Variants in ZFHX3 observed in about 807,000 individuals in gnomAD.
ZFHX3 encodes zinc finger homeobox protein 3.
A neutral mutation model predicts 279.1 loss-of-function variants in ZFHX3; 42 were observed. The observed-to-expected ratio is 0.15, with a 90% confidence interval of 0.12 to 0.19. The LOEUF (loss-of-function observed/expected upper bound fraction) is 0.19. ZFHX3 is among the 10% of genes least tolerant of loss of function. ZFHX3 has a pLI of 1.00. For synonymous variants in ZFHX3, 2,293 were observed against 1,957.8 expected (o/e 1.17, Z -4.52); for missense variants, 4,981 against 4,754.0 (o/e 1.05, Z -1.40).
At chr16:73,760,481 C>T (rs1019812001) in intron 1 of ZFHX3, among the ~76,000 whole-genome samples, 4 of 151,834 alleles carry the variant, frequency 2.6e-5, no homozygotes, top group African/African-American at 9.7e-5. Context: ...CAGCATCATC[C>T]TGATACCAAA....
chr16:72,954,983 GA>G (rs1193706440), intron 2 of ZFHX3, among the ~76,000 whole-genome samples: 1 of 151,974 alleles, frequency 6.6e-6, no homozygotes, highest in East Asian at 1.9e-4. Flanking sequence ...GGACCATGGG[GA>G]AAAAAAACCA....
chr16:73,864,883 GACA>G (rs1243670816), intron 1 of ZFHX3, among the ~76,000 whole-genome samples: 18 of 152,350 alleles, frequency 1.2e-4, no homozygotes, highest in African/African-American at 3.8e-4. Flanking sequence ...AGTAAGAGGA[GACA>G]ACAATTCCCT....
chr16:73,199,401 C>T (rs1424416076), intron 5 of ZFHX3, among the ~76,000 whole-genome samples: 3 of 152,224 alleles, frequency 2.0e-5, no homozygotes, highest in African/African-American at 7.2e-5. Context: ...GAAAGTGACT[C>T]TGCTGCCATC....
intron 1 of ZFHX3, among the ~76,000 whole-genome samples, chr16:73,706,264 C>A (rs2142221489): frequency 6.6e-6 from 1 of 152,104 alleles, no homozygotes; most frequent in East Asian, 1.9e-4. Context: ...AGTTTGAGAC[C>A]AACCTGGCCA....
At chr16:73,617,889 C>T (rs2143896883) in intron 2 of ZFHX3, among the ~76,000 whole-genome samples, 2 of 152,300 alleles carry the variant, frequency 1.3e-5, no homozygotes, top group Non-Finnish European at 2.9e-5. Flanking sequence ...TGCAGTCCCC[C>T]TTGAGTGTCT....
At chr16:73,498,664 A>G (rs1422953960) in intron 2 of ZFHX3, among the ~76,000 whole-genome samples, 1 of 152,206 alleles carries the variant, frequency 6.6e-6, no homozygotes, top group African/African-American at 2.4e-5. Flanking sequence ...AAGTTCATCA[A>G]CACCTCCTGG....
At position 72,998,751 on chromosome 16, in the gene ZFHX3, C is replaced by T. The variant is rs181622240; in HGVS notation, c.-49-38557G>A. Among the ~76,000 whole-genome samples, 11 of 152,280 alleles carry T rather than the reference C, an allele frequency of 7.2e-5. No individual in the cohort carries two copies. The East Asian group carries it at 1.9e-3, about 27-fold the overall frequency. On this transcript the variant is annotated intron_variant, in intron 1 of 9. Coordinates refer to ENST00000268489, the MANE Select transcript of ZFHX3 (RefSeq NM_006885.4). Reference sequence around the variant, plus strand: ...CACTCACAGACTTTACAGAACTTACCGCTGCTCAAGACTCTTTCCCACGGC... The same window carrying T: ...CACTCACAGACTTTACAGAACTTACTGCTGCTCAAGACTCTTTCCCACGGC...
chr16:73,045,807 G>T (rs1339291825), intron 1 of ZFHX3, among the ~76,000 whole-genome samples: 1 of 146,984 alleles, frequency 6.8e-6, no homozygotes, highest in Non-Finnish European at 1.5e-5. Flanking sequence ...AAAAAAAGTG[G>T]GGGGGGGTTG....
chr16:73,753,952 C>T (rs2142273110), intron 1 of ZFHX3, among the ~76,000 whole-genome samples: 1 of 138,644 alleles, frequency 7.2e-6, no homozygotes, highest in East Asian at 2.1e-4. Context: ...ACTATAACTG[C>T]TGCAAATAGT....
At chr16:73,628,012 TC>T (rs2052434599) in intron 2 of ZFHX3, among the ~76,000 whole-genome samples, 1 of 152,294 alleles carries the variant, frequency 6.6e-6, no homozygotes, top group East Asian at 1.9e-4. Flanking sequence ...GTGCAAAGTA[TC>T]CCCAGAATTA....
chr16:73,195,927 C>T (rs962405204), intron 5 of ZFHX3, among the ~76,000 whole-genome samples: 3 of 152,126 alleles, frequency 2.0e-5, no homozygotes, highest in African/African-American at 4.8e-5. Flanking sequence ...GATAATGTAG[C>T]AACCACTAGT....
At chr16:72,826,812 A>C (rs1476539481) in intron 5 of ZFHX3, among the ~76,000 whole-genome samples, 1 of 152,232 alleles carries the variant, frequency 6.6e-6, no homozygotes, top group Admixed American at 6.5e-5. Context: ...TGGTGCTTGA[A>C]TGAATGCATG....
At chr16:72,829,361 TG>T (rs1279495361) in intron 5 of ZFHX3, 1 of 169,036 alleles carries the variant, frequency 5.9e-6, no homozygotes, top group Non-Finnish European at 1.3e-5. Context: ...AAGTTCCACA[TG>T]ACAAATCTCT....
In ZFHX3 at chr16:73,692,127, G is replaced by A. The variant is rs909080355; in HGVS notation, c.-1607-11887C>T. On this transcript the variant is annotated intron_variant, in intron 1 of 17. Transcript: ENST00000641206. Reference sequence around the variant, plus strand: ...TTGAAAATACGTCCACAGATTATTCGATATTCCTCTCTTCAAGAAGCGGAC... The same window carrying A: ...TTGAAAATACGTCCACAGATTATTCAATATTCCTCTCTTCAAGAAGCGGAC... Among the ~76,000 whole-genome samples, 9 of 152,086 alleles carry A rather than the reference G, an allele frequency of 5.9e-5. 1 individual carries two copies. Among genetic ancestry groups the A allele is most frequent in the African/African-American group, 7.2e-5 (3 of 41,412 alleles).
chr16:73,815,680 G>C (rs943082163), intron 1 of ZFHX3: 3 of 151,932 alleles, frequency 2.0e-5, no homozygotes, highest in African/African-American at 7.3e-5. Context: ...TCCTGCCTCA[G>C]CCTCTCGAGT....
At position 73,325,918 on chromosome 16, in the gene ZFHX3, C is replaced by CACACACAAAA. The variant is rs1555510195; in HGVS notation, c.-1290-7583_-1290-7582insTTTTGTGTGT. ...ACACACACAAACACACACACACACA[C>CACACACAAAA]ACACACACAAACACACACACACACA... On this transcript the variant is annotated intron_variant, in intron 3 of 17. Coordinates refer to the ZFHX3 transcript ENST00000641206. 9.0e-5 allele frequency among the ~76,000 whole-genome samples: 6 copies of CACACACAAAA among 66,704 alleles called. No homozygotes were observed. In the South Asian group the frequency reaches 2.4e-3, roughly 27 times the overall value. 43.8% of individuals were successfully genotyped at this position (66,704 alleles called of 152,430 possible).
At chr16:73,640,742 G>C (rs897575943) in intron 2 of ZFHX3, among the ~76,000 whole-genome samples, 22 of 151,920 alleles carry the variant, frequency 1.4e-4, no homozygotes, top group African/African-American at 5.3e-4. Context: ...ATCTCCAAAA[G>C]AGAGAATAAA....
At chr16:73,033,670 C>T (rs1964791982) in intron 1 of ZFHX3, among the ~76,000 whole-genome samples, 1 of 152,134 alleles carries the variant, frequency 6.6e-6, no homozygotes, top group Non-Finnish European at 1.5e-5. Context: ...TTTTTTCCTG[C>T]CTGCCAGGAG....
intron 4 of ZFHX3, among the ~76,000 whole-genome samples, chr16:72,870,007 C>T (rs2038115043): frequency 6.6e-6 from 1 of 152,172 alleles, no homozygotes; most frequent in Non-Finnish European, 1.5e-5. Flanking sequence ...CATAAGGAAG[C>T]ATCACATGAA....
Sources: allele counts gnomAD v4.1 joint callset (sites outside exome capture counted in the v4.1 genomes callset), GRCh38; gene constraint gnomAD v4.1.1; transcripts MANE v1.5; gene names NCBI Gene and HGNC (gene_info 2026-07-23, HGNC 2026-07-21).